Variants in RB1CC1 observed in about 807,000 individuals in gnomAD.
RB1CC1 encodes the protein RB1 inducible coiled-coil 1.
A neutral mutation model predicts 177.5 loss-of-function variants in RB1CC1; 46 were observed. The ratio of observed to expected loss-of-function variants is 0.26; its 90% CI spans 0.20 to 0.33. The LOEUF (loss-of-function observed/expected upper bound fraction) is 0.33, where lower values mean the gene tolerates loss of function less well. Ranked by LOEUF, RB1CC1 falls within the 10% of genes least tolerant of loss-of-function variation. RB1CC1 has a pLI of 1.00. For missense variants in RB1CC1, 1,703 were observed against 1,816.3 expected (o/e 0.94, Z 1.13); for synonymous variants, 666 against 613.6 (o/e 1.09, Z -1.26).
intron 15 of RB1CC1, among the ~76,000 whole-genome samples, chr8:52,652,724 C>T (rs997822168): frequency 8.5e-5 from 13 of 152,094 alleles, no homozygotes; most frequent in Admixed American, 7.2e-4. Context: ...CTGTGTGTGA[C>T]CTGCAAATGC....
At chr8:52,686,781 T>G (rs571936026) in intron 2 of RB1CC1, 72 bp downstream of exon 2, 31 of 334,998 alleles carry the variant, frequency 9.3e-5, no homozygotes, top group Non-Finnish European at 1.3e-4. Flanking sequence ...GTTTTAAAAT[T>G]AAGATTTCCA....
intron 1 of RB1CC1, among the ~76,000 whole-genome samples, chr8:52,695,353 A>C (rs1299558395): frequency 1.3e-5 from 2 of 152,264 alleles, no homozygotes; most frequent in African/African-American, 4.8e-5. Flanking sequence ...GCAGTGAAAA[A>C]TTAACATTAA....
chr8:52,695,658 A>G (rs1855332904), intron 1 of RB1CC1, among the ~76,000 whole-genome samples: 1 of 152,230 alleles, frequency 6.6e-6, no homozygotes, highest in African/African-American at 2.4e-5. Context: ...CTAGTGAGCA[A>G]TACTCTGTGT....
At chr8:52,640,853 G>A (rs1240842633) in intron 18 of RB1CC1, among the ~76,000 whole-genome samples, 1 of 151,836 alleles carries the variant, frequency 6.6e-6, no homozygotes, top group African/African-American at 2.4e-5. Context: ...AAAGTCTAAA[G>A]GTAACCAGTT....
intron 1 of RB1CC1, among the ~76,000 whole-genome samples, chr8:52,700,353 A>C (rs975572586): frequency 2.7e-5 from 4 of 149,608 alleles, no homozygotes; most frequent in African/African-American, 7.4e-5. Context: ...GTGAGACTCC[A>C]TATCTACAAA....
intron 18 of RB1CC1, among the ~76,000 whole-genome samples, chr8:52,639,906 T>C (rs745886343): frequency 3.9e-5 from 6 of 152,232 alleles, no homozygotes; most frequent in Non-Finnish European, 8.8e-5. Flanking sequence ...CAGGTGAGAT[T>C]AACTTGTATC....
At chr8:52,660,314 G>T (rs112501784) in intron 12 of RB1CC1, among the ~76,000 whole-genome samples, 26 of 152,086 alleles carry the variant, frequency 1.7e-4, no homozygotes, top group East Asian at 7.7e-4. Flanking sequence ...AAAAAAGGAA[G>T]AGACAAGAAA....
chr8:52,658,579 G>GAAAAAAAAAAAAAAA, intron 13 of RB1CC1, among the ~76,000 whole-genome samples: 1 of 98,798 alleles, frequency 1.0e-5, no homozygotes, highest in Non-Finnish European at 1.9e-5. Flanking sequence ...TCCGTCTCAA[G>GAAAAAAAAAAAAAAA]AAAAAAAAAA....
intron 1 of RB1CC1, among the ~76,000 whole-genome samples, chr8:52,690,158 A>C (rs891177341): frequency 3.9e-5 from 6 of 152,236 alleles, no homozygotes; most frequent in Non-Finnish European, 8.8e-5. Flanking sequence ...ACTGTATTAA[A>C]TAAAGATTTG....
intron 1 of RB1CC1, among the ~76,000 whole-genome samples, chr8:52,708,123 C>CAACT (rs749577689): frequency 4.6e-5 from 7 of 152,188 alleles, no homozygotes; most frequent in Non-Finnish European, 1.0e-4. Flanking sequence ...GCAGTATCAT[C>CAACT]AACTACTCCC....
At position 52,657,991 on chromosome 8, in the gene RB1CC1, A is replaced by T. The variant is rs1042737842; in HGVS notation, c.1920+7T>A. On this transcript the variant is annotated splice_region_variant and intron_variant, in intron 14 of 23. Transcript: ENST00000025008. ...TGAAGAAAACTGTTTGAAAGAATTG[A>T]ATTTGCCTTTTGTTCACTCAGTAGA... 2.9e-5 allele frequency: 47 copies of T among 1,613,546 alleles called. No individual in the cohort carries two copies. In the Admixed American group the frequency reaches 6.2e-4, roughly 21 times the overall value.
chr8:52,642,799 G>A lies in RB1CC1; in HGVS notation c.4001C>T (p.Thr1334Ile), dbSNP rs370724390. The change falls in exon 17 of 24, where the codon ACT becomes ATT. Residue 1334 changes from threonine (T) to isoleucine (I), a missense_variant. Around this residue, in one of 6 missense-constraint regions of RB1CC1, gnomAD observed 1,169 missense variants for 1,184.7 expected, o/e 0.99. Coordinates refer to ENST00000025008, the MANE Select transcript of RB1CC1 (RefSeq NM_014781.5). ...LIAEQQTNFN[T>I]VLTREKMRKE... Reference sequence around the variant, plus strand: ...TCTCATTTTCTCTCTTGTTAAAACAGTGTTAAAATTGGTCTGGAACAAGAG... The same window carrying A: ...TCTCATTTTCTCTCTTGTTAAAACAATGTTAAAATTGGTCTGGAACAAGAG... The A allele has an allele frequency of 2.7e-5, 42 of 1,555,204 alleles. No homozygotes were observed. The highest frequency in any genetic ancestry group is 3.5e-5 in the Non-Finnish European group (41 of 1,160,552).
intron 5 of RB1CC1, among the ~76,000 whole-genome samples, chr8:52,682,018 A>C (rs1025518559): frequency 3.3e-5 from 5 of 152,146 alleles, no homozygotes; most frequent in Non-Finnish European, 7.4e-5. Context: ...AGACCCCAGA[A>C]TGGAAGACCC....
intron 8 of RB1CC1, among the ~76,000 whole-genome samples, chr8:52,663,061 C>T (rs1851766086): frequency 6.6e-6 from 1 of 152,024 alleles, no homozygotes; most frequent in Admixed American, 6.6e-5. Context: ...TTCATATTTG[C>T]TCAACCATAC....
intron 21 of RB1CC1, among the ~76,000 whole-genome samples, chr8:52,628,643 A>G (rs2150373519): frequency 6.6e-6 from 1 of 152,348 alleles, no homozygotes; most frequent in East Asian, 1.9e-4. Flanking sequence ...CAGGTGCTTA[A>G]TTAGGTCTAA....
intron 8 of RB1CC1, among the ~76,000 whole-genome samples, chr8:52,665,203 T>A (rs1411803962): frequency 6.6e-6 from 1 of 152,222 alleles, no homozygotes; most frequent in Non-Finnish European, 1.5e-5. Context: ...AGAGACAATA[T>A]CTGTATGATC....
At position 52,713,422 on chromosome 8, in the gene RB1CC1, T is replaced by C. The variant is rs530684045; in HGVS notation, c.-167+653A>G. 3.9e-5 allele frequency among the ~76,000 whole-genome samples: 6 copies of C among 152,284 alleles called. No individual in the cohort carries two copies. In the South Asian group the frequency reaches 1.0e-3, roughly 27 times the overall value. On this transcript the variant is annotated intron_variant, in intron 1 of 23. Transcript: ENST00000025008. ...CTACTGTTGGTTAATGTATTTTTGTTTCTACCAAGGAAGCTGTGAAATCCG... is the reference window on the plus strand; with the variant it reads ...CTACTGTTGGTTAATGTATTTTTGTCTCTACCAAGGAAGCTGTGAAATCCG...
rs562382283 is a variant in RB1CC1 at position 52,688,081 on chromosome 8, G to A, written c.-166-1114C>T. On this transcript the variant is annotated intron_variant, in intron 1 of 23. Transcript: ENST00000025008. ...CCTGTTATCTTCGTAAACTGAGGATGTACGTCATCTTAGGACCACTGTGAT... is the reference window on the plus strand; with the variant it reads ...CCTGTTATCTTCGTAAACTGAGGATATACGTCATCTTAGGACCACTGTGAT... Among the ~76,000 whole-genome samples, 160 of 152,222 alleles carry A rather than the reference G, an allele frequency of 1.1e-3. 1 individual carries two copies. Among genetic ancestry groups the A allele is most frequent in the Non-Finnish European group, 2.1e-3 (140 of 68,040 alleles).
intron 8 of RB1CC1, among the ~76,000 whole-genome samples, chr8:52,662,924 T>C (rs1028669338): frequency 2.0e-5 from 3 of 152,094 alleles, no homozygotes; most frequent in Admixed American, 6.5e-5. Flanking sequence ...ATTGAATCCA[T>C]GAAAAATATA....
Sources: gnomAD v4.1 joint callset for allele counts (sites outside exome capture counted in the v4.1 genomes callset) on GRCh38, gnomAD v4.1.1 for gene constraint, gnomAD v4.1.1 regional missense constraint, MANE v1.5 for transcripts, NCBI Gene and HGNC (gene_info 2026-07-23, HGNC 2026-07-21) for gene names.